CFAP47: variants seen among roughly 807,000 people sequenced by gnomAD.
The protein encoded by CFAP47 is cilia- and flagella-associated protein 47.
A neutral mutation model predicts 148.1 loss-of-function variants in CFAP47; 29 were observed. The ratio of observed to expected loss-of-function variants is 0.20; its 90% confidence interval spans 0.15 to 0.27. The LOEUF (loss-of-function observed/expected upper bound fraction) is 0.27. CFAP47 is among the 10% of genes least tolerant of loss of function. The probability of loss-of-function intolerance (pLI) is 1.00; values close to 1 mark genes in which losing one functional copy is unlikely to be tolerated. For synonymous variants in CFAP47, 664 were observed against 577.3 expected (o/e 1.15, Z -2.15); for missense variants, 1,872 against 1,697.5 (o/e 1.10, Z -1.81).
At chrX:36,297,992 T>A (rs782253122) in intron 51 of CFAP47, among the ~76,000 whole-genome samples, 657 of 109,480 alleles carry the variant, frequency 6.0e-3, no homozygotes, top group African/African-American at 0.021. Flanking sequence ...ATTGTGGAAG[T>A]CAGTGTGGCG....
intron 37 of CFAP47, among the ~76,000 whole-genome samples, chrX:36,157,839 A>G (rs1182744627): frequency 8.9e-6 from 1 of 111,745 alleles, no homozygotes; most frequent in Non-Finnish European, 1.9e-5. Context: ...TAAATCACTC[A>G]CTGTTATCTT....
At position 35,919,760 on chromosome X, in the gene CFAP47, A is replaced by G. The variant is rs1935545246; in HGVS notation, c.-40A>G. 8.5e-7 allele frequency: 1 copy of G among 1,169,998 alleles called. No individual in the cohort carries two copies. On this transcript the variant is annotated 5_prime_UTR_variant, in exon 1 of 64. Coordinates refer to ENST00000378653, the MANE Select transcript of CFAP47 (RefSeq NM_001304548.2). Reference sequence around the variant, plus strand: ...GTCGTCGACGCTAATCCTTGGCCGGACGGATCCACATCTGTTTTCTGGCTA... The same window carrying G: ...GTCGTCGACGCTAATCCTTGGCCGGGCGGATCCACATCTGTTTTCTGGCTA...
At position 35,936,330 on chromosome X, in the gene CFAP47, T is replaced by C. The variant is rs181599421; in HGVS notation, c.402-4953T>C. ...CACTATGTTTTTAGTTTGGTTGTTG[T>C]ATTATTCAATTCTATAATTTCTATT... On this transcript the variant is annotated intron_variant, in intron 2 of 63. Transcript: ENST00000378653. 2.7e-5 allele frequency among the ~76,000 whole-genome samples: 3 copies of C among 112,183 alleles called. No homozygotes were observed. In the Admixed American group the frequency reaches 2.8e-4, roughly 11 times the overall value.
intron 33 of CFAP47, among the ~76,000 whole-genome samples, chrX:36,116,423 G>T (rs914317359): frequency 8.9e-6 from 1 of 111,990 alleles, no homozygotes; most frequent in Non-Finnish European, 1.9e-5. Context: ...GGTGTGGTTC[G>T]AATTTCAATA....
intron 33 of CFAP47, among the ~76,000 whole-genome samples, chrX:36,111,969 T>C (rs1938563206): frequency 9.0e-6 from 1 of 111,669 alleles, no homozygotes; most frequent in Non-Finnish European, 1.9e-5. Flanking sequence ...TAATTTCTAA[T>C]TGTGTTTATT....
At chrX:36,382,655 C>T (rs1254510030) in intron 63 of CFAP47, among the ~76,000 whole-genome samples, 1 of 111,047 alleles carries the variant, frequency 9.0e-6, no homozygotes, top group Non-Finnish European at 1.9e-5. Flanking sequence ...AATATATATA[C>T]AGCTTTGGTT....
At chrX:35,972,092 C>G (rs1936502439) in intron 13 of CFAP47, 127 bp downstream of exon 13, 1 of 455,216 alleles carries the variant, frequency 2.2e-6, no homozygotes, top group Non-Finnish European at 3.7e-6. Flanking sequence ...AAGAAGTCCT[C>G]AGAGTAGTCA....
chrX:36,248,496 T>TCTCACACACACACACACA (rs1336114947), intron 48 of CFAP47, among the ~76,000 whole-genome samples: 7 of 95,455 alleles, frequency 7.3e-5, no homozygotes, highest in African/African-American at 2.7e-4. Flanking sequence ...ACATATTATA[T>TCTCACACACACACACACA]CACACACACA....
chrX:36,342,851 T>G (rs1387622339), intron 57 of CFAP47, among the ~76,000 whole-genome samples: 2 of 111,654 alleles, frequency 1.8e-5, no homozygotes, highest in South Asian at 7.5e-4. Context: ...GCAGGTTTGT[T>G]ACATAGGTAT....
chrX:36,011,714 G>A (rs1569231934), intron 21 of CFAP47, among the ~76,000 whole-genome samples: 1 of 111,742 alleles, frequency 8.9e-6, no homozygotes, highest in East Asian at 2.8e-4. Flanking sequence ...CAAAAACCAG[G>A]TATCTTTGTT....
chrX:36,369,404 C>T (rs1941909077), intron 62 of CFAP47, among the ~76,000 whole-genome samples: 1 of 110,475 alleles, frequency 9.1e-6, no homozygotes, highest in African/African-American at 3.3e-5. Flanking sequence ...GTTCTAAGGG[C>T]ATAATTATAT....
rs1487734716 is a variant in CFAP47 at position 35,919,741 on chromosome X, G to C, written c.-59G>C. ...TGATGGTTGCCTAGCGACGGTCGTC[G>C]ACGCTAATCCTTGGCCGGACGGATC... On this transcript the variant is annotated 5_prime_UTR_variant, in exon 1 of 64. Transcript: ENST00000378653. 1 of 1,141,444 alleles carries C rather than the reference G, an allele frequency of 8.8e-7. No homozygotes were observed. Among genetic ancestry groups the C allele is most frequent in the Non-Finnish European group, 1.2e-6 (1 of 855,617 alleles). The allele number at this position is 1,141,444 out of a possible 1,213,427, so 94.1% of individuals were successfully genotyped here.
intron 37 of CFAP47, among the ~76,000 whole-genome samples, chrX:36,156,626 T>A (rs1569275373): frequency 1.1e-5 from 1 of 91,550 alleles, no homozygotes; most frequent in Admixed American, 1.1e-4. Context: ...ATCAAGGAGG[T>A]TTTTTTTAAA....
intron 26 of CFAP47, among the ~76,000 whole-genome samples, chrX:36,051,502 A>G (rs891792453): frequency 1.8e-5 from 2 of 111,727 alleles, no homozygotes; most frequent in Non-Finnish European, 3.8e-5. Flanking sequence ...TTGGACTTGC[A>G]TGAGGCCTGT....
chrX:36,098,992 A>G (rs1353844644), intron 31 of CFAP47, 118 bp downstream of exon 31: 19 of 322,861 alleles, frequency 5.9e-5, no homozygotes, highest in Non-Finnish European at 1.0e-4. Context: ...AAATATTATT[A>G]GGATCATAAT....
At chrX:35,924,417 A>G (rs1935690447) in intron 1 of CFAP47, among the ~76,000 whole-genome samples, 1 of 101,675 alleles carries the variant, frequency 9.8e-6, no homozygotes, top group South Asian at 4.0e-4. Flanking sequence ...ATATGTGTAT[A>G]TGCACACATA....
At chrX:36,302,542 A>G (rs1043511138) in intron 53 of CFAP47, among the ~76,000 whole-genome samples, 2 of 111,758 alleles carry the variant, frequency 1.8e-5, no homozygotes, top group African/African-American at 3.3e-5. Flanking sequence ...ATCTTACTCT[A>G]TATTGTAAGC....
chrX:36,207,911 A>G (rs1393476920), intron 45 of CFAP47, among the ~76,000 whole-genome samples: 1 of 111,825 alleles, frequency 8.9e-6, no homozygotes, highest in Non-Finnish European at 1.9e-5. Context: ...AATATTTGCC[A>G]AAGCACTCAA....
At chrX:35,937,104 GTTTTTTTTTTTTTTTTTTT>G (rs377601530) in intron 2 of CFAP47, among the ~76,000 whole-genome samples, 4 of 55,541 alleles carry the variant, frequency 7.2e-5, no homozygotes, top group African/African-American at 2.5e-4. Flanking sequence ...TGCAATTGCT[GTTTTTTTTTTTTTTTTTTT>G]TTTTTTTTTT....
Sources: gnomAD v4.1 joint callset for allele counts (sites outside exome capture counted in the v4.1 genomes callset) on GRCh38, gnomAD v4.1.1 for gene constraint, MANE v1.5 for transcripts, NCBI Gene and HGNC (gene_info 2026-07-23, HGNC 2026-07-21) for gene names.